MTUS1: variants seen among roughly 807,000 people sequenced by gnomAD.
MTUS1 encodes microtubule associated scaffold protein 1.
A neutral mutation model predicts 120.8 loss-of-function variants in MTUS1; 109 were observed. That is an observed-to-expected ratio of 0.90 (90% confidence interval 0.77 to 1.06). MTUS1 has a LOEUF of 1.06. Among genes scored for constraint, MTUS1 ranks in the 50% least tolerant of loss-of-function variants. MTUS1 has a pLI of 0.00. For missense variants in MTUS1, 2,210 were observed against 1,486.3 expected (o/e 1.49, Z -8.01); for synonymous variants, 737 against 550.5 (o/e 1.34, Z -4.74).
At chr8:17,794,100 G>A (rs1047608919) in intron 1 of MTUS1, among the ~76,000 whole-genome samples, 6 of 152,102 alleles carry the variant, frequency 3.9e-5, no homozygotes, top group South Asian at 4.1e-4. Flanking sequence ...GGCCAAGGCC[G>A]GTGGATCACC....
intron 7 of MTUS1, among the ~76,000 whole-genome samples, chr8:17,675,806 C>A (rs1011848808): frequency 6.6e-6 from 1 of 152,052 alleles, no homozygotes; most frequent in Non-Finnish European, 1.5e-5. Context: ...CAGCTACATA[C>A]CATTTTCTAA....
chr8:17,776,921 T>G (rs1445797016), intron 1 of MTUS1, among the ~76,000 whole-genome samples: 1 of 152,122 alleles, frequency 6.6e-6, no homozygotes, highest in East Asian at 1.9e-4. Context: ...AATTGCGCTT[T>G]CGGAGAGCAA....
At chr8:17,714,269 A>G (rs954128590) in intron 5 of MTUS1, among the ~76,000 whole-genome samples, 1 of 152,200 alleles carries the variant, frequency 6.6e-6, no homozygotes, top group African/African-American at 2.4e-5. Context: ...TACAAAGAAA[A>G]GGTATTGACA....
chr8:17,766,026 G>C (rs1176604855), intron 1 of MTUS1, among the ~76,000 whole-genome samples: 1 of 152,028 alleles, frequency 6.6e-6, no homozygotes, highest in South Asian at 2.1e-4. Context: ...CAAATTAAGA[G>C]ACCTTTATGC....
rs1563181678 is a variant in MTUS1 at position 17,676,077 on chromosome 8, C to T, written c.2839-825G>A. 2.8e-5 allele frequency: 16 copies of T among 572,092 alleles called. No homozygotes were observed. The Admixed American group carries it at 4.4e-4, about 16-fold the overall frequency. 35.4% of individuals were successfully genotyped at this position (572,092 alleles called of 1,614,324 possible). A position where few individuals can be genotyped will look rare whatever the true frequency, so the allele number is the denominator to read the frequency against. On this transcript the variant is annotated intron_variant, in intron 7 of 14. Coordinates refer to ENST00000693296, the MANE Select transcript of MTUS1 (RefSeq NM_001363059.2). ...AAAAAAAATGAAGAATTTCAAAGCT[C>T]GCTGAAAAATGCCCTCACGAGGATC...
chr8:17,709,187 G>C (rs1249051743), intron 6 of MTUS1, among the ~76,000 whole-genome samples: 1 of 151,280 alleles, frequency 6.6e-6, no homozygotes, highest in African/African-American at 2.4e-5. Flanking sequence ...ACACTTCCCT[G>C]CTTATTACAC....
Position 17,795,689 on chromosome 8 carries a change from G to C in MTUS1, c.-155+5372C>G, listed in dbSNP as rs527705331. ...GAGTCTTACTCTGTCACCCAGGCTA[G>C]AGGGCAGTGATGCGATCTCGGCTCA... is the stretch of plus-strand genomic sequence containing the variant. On this transcript the variant is annotated intron_variant, in intron 1 of 14. Transcript: ENST00000693296. 3.9e-4 allele frequency among the ~76,000 whole-genome samples: 60 copies of C among 152,326 alleles called. 1 individual carries two copies. The highest frequency in any genetic ancestry group is 2.0e-3 in the Admixed American group (31 of 15,302).
intron 1 of MTUS1, among the ~76,000 whole-genome samples, chr8:17,793,799 G>A (rs537723638): frequency 3.3e-5 from 5 of 152,104 alleles, no homozygotes; most frequent in East Asian, 1.9e-4. Flanking sequence ...TACAACCTAC[G>A]TGACCAAACT....
At chr8:17,712,962 C>A (rs371284922) in intron 6 of MTUS1, among the ~76,000 whole-genome samples, 51 of 152,214 alleles carry the variant, frequency 3.4e-4, no homozygotes, top group African/African-American at 1.1e-3. Flanking sequence ...TTCATTTAGA[C>A]CACATTAACA....
intron 6 of MTUS1, among the ~76,000 whole-genome samples, chr8:17,691,813 T>A (rs535805365): frequency 6.6e-6 from 1 of 152,202 alleles, no homozygotes; most frequent in Non-Finnish European, 1.5e-5. Context: ...TAACAGTACA[T>A]GAATAAATGC....
At chr8:17,756,337 A>C (rs958857293) in intron 1 of MTUS1, among the ~76,000 whole-genome samples, 4 of 152,098 alleles carry the variant, frequency 2.6e-5, no homozygotes, top group African/African-American at 9.7e-5. Context: ...TTTGCTTATG[A>C]CAGTCCCAAA....
intron 6 of MTUS1, among the ~76,000 whole-genome samples, chr8:17,709,440 T>G (rs1820830206): frequency 6.6e-6 from 1 of 152,116 alleles, no homozygotes; most frequent in Non-Finnish European, 1.5e-5. Flanking sequence ...TTTATTTTAT[T>G]TTTTTAACTA....
intron 5 of MTUS1, 44 bp from the exon 6 acceptor site, chr8:17,713,296 A>G: frequency 9.0e-7 from 1 of 1,108,558 alleles, no homozygotes. Context: ...GTTTTATTTG[A>G]CATATCACAT....
intron 7 of MTUS1, among the ~76,000 whole-genome samples, chr8:17,679,810 GT>G: frequency 6.6e-6 from 1 of 151,980 alleles, no homozygotes; most frequent in East Asian, 1.9e-4. Flanking sequence ...GCCTCCAACT[GT>G]TTTATAATAG....
chr8:17,774,569 T>C (rs2050265523), intron 1 of MTUS1, among the ~76,000 whole-genome samples: 1 of 152,114 alleles, frequency 6.6e-6, no homozygotes, highest in South Asian at 2.1e-4. Flanking sequence ...CACTTCATAC[T>C]CGTTAGGACA....
rs537045130 is a variant in MTUS1, at chr8:17,799,029, T to C, written c.-155+2032A>G. Among the ~76,000 whole-genome samples, 134 of 151,368 alleles carry C rather than the reference T, an allele frequency of 8.9e-4. 1 individual carries two copies. The South Asian group carries it at 0.011, about 12-fold the overall frequency. ...AAACCTGGGAAGAATTTTTTTTTTTTCCCTTTAAGGATGATTCTACATGTT... is the reference window on the plus strand; with the variant it reads ...AAACCTGGGAAGAATTTTTTTTTTTCCCCTTTAAGGATGATTCTACATGTT... On this transcript the variant is annotated intron_variant, in intron 1 of 14. Coordinates refer to ENST00000693296, the MANE Select transcript of MTUS1 (RefSeq NM_001363059.2).
intron 6 of MTUS1, among the ~76,000 whole-genome samples, chr8:17,695,373 G>GTGT (rs1347089837): frequency 6.6e-6 from 1 of 152,204 alleles, no homozygotes. Context: ...GGCACTTACT[G>GTGT]TGTGCCTCTG....
intron 9 of MTUS1, chr8:17,654,953 A>G (rs1327700850): frequency 2.0e-5 from 7 of 355,830 alleles, no homozygotes. Flanking sequence ...ATGCATGAAG[A>G]GCAACGCAAC....
At chr8:17,705,970 A>G (rs1820077231) in intron 6 of MTUS1, 1 of 152,196 alleles carries the variant, frequency 6.6e-6, no homozygotes, top group South Asian at 2.1e-4. Flanking sequence ...TATCAGCAGT[A>G]AGCCAAGATT....
Sources: gnomAD v4.1 joint callset for allele counts (sites outside exome capture counted in the v4.1 genomes callset) on GRCh38, gnomAD v4.1.1 for gene constraint, MANE v1.5 for transcripts, NCBI Gene and HGNC (gene_info 2026-07-23, HGNC 2026-07-21) for gene names.